MEGF11: variants seen among roughly 807,000 people sequenced by gnomAD.
The protein encoded by MEGF11 is multiple epidermal growth factor-like domains protein 11.
MEGF11 carries 126 observed loss-of-function variants against 146.6 expected under a neutral mutation model. The ratio of observed to expected loss-of-function variants is 0.86; its 90% CI spans 0.74 to 1.00. The LOEUF (loss-of-function observed/expected upper bound fraction) is 1.00, where lower values mean the gene tolerates loss of function less well. Ranked by LOEUF, MEGF11 falls within the 50% of genes least tolerant of loss-of-function variation. The pLI, the probability that MEGF11 is intolerant of heterozygous loss-of-function variation, is 0.00. For synonymous variants in MEGF11, 532 were observed against 583.4 expected, an observed-to-expected ratio of 0.91 and a Z score of 1.27; for missense variants, 1,509 against 1,521.2, an observed-to-expected ratio of 0.99 and a Z score of 0.13.
At chr15:66,074,458 T>A (rs1162127785) in intron 5 of MEGF11, among the ~76,000 whole-genome samples, 1 of 152,248 alleles carries the variant, frequency 6.6e-6, no homozygotes, top group Admixed American at 6.5e-5. Flanking sequence ...TGAACAATAA[T>A]GCAGGCTTGC....
At chr15:66,013,056 G>C (rs151242134) in intron 5 of MEGF11, among the ~76,000 whole-genome samples, 1 of 152,368 alleles carries the variant, frequency 6.6e-6, no homozygotes, top group African/African-American at 2.4e-5. Flanking sequence ...GATAAGGAAA[G>C]CAAGGCCCAC....
chr15:65,973,447 A>G (rs1490201143), intron 7 of MEGF11, among the ~76,000 whole-genome samples: 1 of 152,012 alleles, frequency 6.6e-6, no homozygotes, highest in Admixed American at 6.5e-5. Flanking sequence ...GTATATTAAC[A>G]TAAATATTAA....
rs1472589932 is a variant in MEGF11 at position 65,915,576 on chromosome 15, G to A, written c.2367C>T (p.Gly789=). The A allele has an allele frequency of 1.2e-6, 2 of 1,613,836 alleles. No individual in the cohort carries two copies. The highest frequency in any genetic ancestry group is 3.3e-5 in the Admixed American group (2 of 59,990). The stretch of plus-strand genomic sequence containing the variant: ...ACTCACATAGCTGCTGACACCCATA[G>A]CCAAAGGTTCCTGGGGCACATCCTG... ...CEQRCAPGTF[G]YGCQQLCECM... The change falls in exon 19 of 26, where the codon GGC becomes GGT. Residue 789 remains glycine (G), a synonymous_variant. Coordinates refer to ENST00000395614, the MANE Select transcript of MEGF11 (RefSeq NM_001385028.1).
chr15:66,193,390 C>T lies in MEGF11; in HGVS notation c.-9+60215G>A, dbSNP rs537130254. ...TTCAGCACCTACTAAGTGCCAGACG[C>T]TGTGTTAAGCACAAGAGGTACAAGG... On this transcript the variant is annotated intron_variant, in intron 1 of 25. Transcript: ENST00000395614. Among the ~76,000 whole-genome samples, 11 of 152,298 alleles carry T rather than the reference C, an allele frequency of 7.2e-5. No homozygotes were observed. The South Asian group carries it at 1.7e-3, about 23-fold the overall frequency.
rs183649527 is a variant in MEGF11 at position 66,053,969 on chromosome 15, C to T, written c.394+40433G>A. ...AACTCCTGAGCTCAAGCAATCTGCC[C>T]AGCTCAGCCTCCCAAAGTGCTGGGA... On this transcript the variant is annotated intron_variant, in intron 5 of 25. Transcript: ENST00000395614. Among the ~76,000 whole-genome samples, 280 of 152,038 alleles carry T rather than the reference C, an allele frequency of 1.8e-3. 3 individuals are homozygous for T. Among genetic ancestry groups the T allele is most frequent in the African/African-American group, 6.1e-3 (255 of 41,490 alleles).
rs1264133896 is a variant in MEGF11, at chr15:66,023,325, G to C, written c.395-40837C>G. On this transcript the variant is annotated intron_variant, in intron 5 of 25. Coordinates refer to ENST00000395614, the MANE Select transcript of MEGF11 (RefSeq NM_001385028.1). ...AGGGCCTGGGGCTGGAGCCTGCCTG[G>C]AAGAAGCACAGCTATATCCATGAGA... 2.0e-5 allele frequency among the ~76,000 whole-genome samples: 3 copies of C among 152,102 alleles called. No individual in the cohort carries two copies. The East Asian group carries it at 5.8e-4, about 29-fold the overall frequency.
chr15:66,091,388 C>T (rs889420952), intron 5 of MEGF11, among the ~76,000 whole-genome samples: 1 of 152,232 alleles, frequency 6.6e-6, no homozygotes, highest in Non-Finnish European at 1.5e-5. Flanking sequence ...TCCCTATGAA[C>T]AACCATGTTT....
At chr15:66,088,220 G>C (rs2086188814) in intron 5 of MEGF11, among the ~76,000 whole-genome samples, 1 of 152,214 alleles carries the variant, frequency 6.6e-6, no homozygotes, top group South Asian at 2.1e-4. Flanking sequence ...GGAGCAGACA[G>C]AGTCACAGCT....
chr15:66,227,975 C>A lies in MEGF11; in HGVS notation c.-9+25630G>T, dbSNP rs1033155197. ...GGCATCTGGGGTGAGGCCACAGAAC[C>A]CCCCAAGCCCAAGAGCTAGTCCAGG... On this transcript the variant is annotated intron_variant, in intron 1 of 25. Transcript: ENST00000395614. 5.8e-4 allele frequency among the ~76,000 whole-genome samples: 88 copies of A among 152,288 alleles called. 1 individual carries two copies. Among genetic ancestry groups the A allele is most frequent in the Admixed American group, 5.4e-3 (82 of 15,302 alleles).
At chr15:65,958,248 A>T (rs988549854) in intron 9 of MEGF11, among the ~76,000 whole-genome samples, 1 of 152,224 alleles carries the variant, frequency 6.6e-6, no homozygotes, top group African/African-American at 2.4e-5. Flanking sequence ...CTCTCTGGCA[A>T]TGTCTGCCCT....
chr15:66,094,052 C>T (rs937711980), intron 5 of MEGF11, among the ~76,000 whole-genome samples: 5 of 152,144 alleles, frequency 3.3e-5, no homozygotes, highest in East Asian at 1.9e-4. Flanking sequence ...CAGGGCTAGA[C>T]GACGGCGACC....
At chr15:66,090,044 G>A (rs752513842) in intron 5 of MEGF11, among the ~76,000 whole-genome samples, 4 of 152,142 alleles carry the variant, frequency 2.6e-5, no homozygotes, top group African/African-American at 4.8e-5. Flanking sequence ...CAGCCCACCA[G>A]GCAAATCAGC....
At chr15:66,097,376 C>T (rs1288978242) in intron 4 of MEGF11, among the ~76,000 whole-genome samples, 1 of 152,104 alleles carries the variant, frequency 6.6e-6, no homozygotes, top group East Asian at 1.9e-4. Context: ...CTCCAGAGGC[C>T]TGGGGTTACT....
At chr15:65,942,311 A>G (rs2080022611) in intron 10 of MEGF11, among the ~76,000 whole-genome samples, 2 of 152,160 alleles carry the variant, frequency 1.3e-5, no homozygotes. Context: ...TTGTTGTTAA[A>G]TATGTGTTGA....
At chr15:66,213,873 G>C (rs1409217231) in intron 1 of MEGF11, among the ~76,000 whole-genome samples, 1 of 151,894 alleles carries the variant, frequency 6.6e-6, no homozygotes, top group Non-Finnish European at 1.5e-5. Flanking sequence ...CTCCACCCAG[G>C]GCAACACTGC....
chr15:66,175,695 T>A (rs1159783707), intron 1 of MEGF11, among the ~76,000 whole-genome samples: 1 of 152,190 alleles, frequency 6.6e-6, no homozygotes, highest in Admixed American at 6.5e-5. Context: ...GACTTACATG[T>A]AAGACCCATT....
At chr15:66,183,609 A>G (rs746282479) in intron 1 of MEGF11, among the ~76,000 whole-genome samples, 7 of 152,156 alleles carry the variant, frequency 4.6e-5, no homozygotes, top group Non-Finnish European at 1.0e-4. Context: ...GTTCATGACA[A>G]TGAGTTATTA....
chr15:66,110,726 G>A (rs2087349736), intron 4 of MEGF11, among the ~76,000 whole-genome samples: 1 of 152,194 alleles, frequency 6.6e-6, no homozygotes, highest in South Asian at 2.1e-4. Flanking sequence ...CAGCAGGCAA[G>A]ACTCCTTGGG....
At chr15:66,089,870 T>C (rs1333774715) in intron 5 of MEGF11, among the ~76,000 whole-genome samples, 1 of 152,252 alleles carries the variant, frequency 6.6e-6, no homozygotes, top group South Asian at 2.1e-4. Context: ...ATTAGTGCAA[T>C]TTAATAAGAG....
Sources: allele counts gnomAD v4.1 joint callset (sites outside exome capture counted in the v4.1 genomes callset), GRCh38; gene constraint gnomAD v4.1.1; transcripts MANE v1.5; gene names NCBI Gene and HGNC (gene_info 2026-07-23, HGNC 2026-07-21).